Variants in UVSSA observed in about 807,000 individuals in gnomAD.
UVSSA encodes the protein UV-stimulated scaffold protein A.
UVSSA carries 72 observed loss-of-function variants against 73.9 expected under a neutral mutation model. That is an observed-to-expected ratio of 0.97 (90% CI 0.81 to 1.19). The LOEUF (loss-of-function observed/expected upper bound fraction) is 1.19. Ranked by LOEUF, UVSSA falls within the 50% of genes most tolerant of loss-of-function variation. The probability of loss-of-function intolerance (pLI) is 0.00; values close to 1 mark genes in which losing one functional copy is unlikely to be tolerated. For missense variants in UVSSA, 1,150 were observed against 965.0 expected (o/e 1.19, Z -2.54); for synonymous variants, 454 against 391.3 (o/e 1.16, Z -1.89).
chr4:1,343,505 A>G (rs1577258775), upstream of UVSSA, among the ~76,000 whole-genome samples: 3 of 152,358 alleles, frequency 2.0e-5, no homozygotes, highest in South Asian at 6.2e-4. Flanking sequence ...TGAATATGGT[A>G]TATCTTCCTG....
exon 14 of UVSSA, chr4:1,394,296 A>G (rs905038374): frequency 2.0e-5 from 18 of 899,306 alleles, no homozygotes; most frequent in South Asian, 1.5e-4. Flanking sequence ...TGAATTATCA[A>G]TCTTTCTTGG....
At chr4:1,352,973 G>A (rs1194283752) in intron 4 of UVSSA, 57 bp from the exon 5 acceptor site, 1 of 1,551,794 alleles carries the variant, frequency 6.4e-7, no homozygotes, top group African/African-American at 1.4e-5. Context: ...GGTTTTGAGT[G>A]GGCTGGTGCT....
chr4:1,365,317 C>T (rs1717165868), intron 7 of UVSSA, among the ~76,000 whole-genome samples: 1 of 152,224 alleles, frequency 6.6e-6, no homozygotes, highest in Non-Finnish European at 1.5e-5. Flanking sequence ...GTCTTATGGT[C>T]ACAGCTGCAG....
Position 1,386,810 on chromosome 4 carries a change from T to A in UVSSA, c.*849T>A, listed in dbSNP as rs1381220554. 6.6e-6 allele frequency: 1 copy of A among 151,636 alleles called. No individual in the cohort carries two copies. The highest frequency in any genetic ancestry group is 2.4e-5 in the African/African-American group (1 of 41,278). The allele number at this position is 151,636 out of a possible 1,614,324, so 9.4% of individuals were successfully genotyped here. On this transcript the variant is annotated 3_prime_UTR_variant, in exon 14 of 14. Transcript: ENST00000389851. ...ATAGCTCAGTGCAGCCTCAAACTCC[T>A]GGGCTCAAGCCATCCTTCCACGTCA... is the stretch of plus-strand genomic sequence containing the variant.
intron 9 of UVSSA, 23 bp from the exon 10 acceptor site, chr4:1,376,011 G>T: frequency 1.3e-6 from 2 of 1,578,476 alleles, no homozygotes. Flanking sequence ...GCACCGTCAG[G>T]CTGTCCCACT....
intron 7 of UVSSA, among the ~76,000 whole-genome samples, chr4:1,356,372 GC>G (rs869117497): frequency 2.6e-5 from 4 of 152,068 alleles, no homozygotes; most frequent in Admixed American, 1.3e-4. Context: ...GTGGTGTGCA[GC>G]CCCCCCAGGG....
At chr4:1,394,200 C>G (rs1203069520) in exon 14 of UVSSA, 4 of 515,908 alleles carry the variant, frequency 7.8e-6, no homozygotes, top group African/African-American at 1.9e-5. Flanking sequence ...GCACAGCCTT[C>G]CATGCCTCCA....
In UVSSA at chr4:1,387,958, A is replaced by G. The variant is rs977016903; in HGVS notation, c.*1997A>G. The G allele has an allele frequency of 1.3e-5, 2 of 152,084 alleles. No individual in the cohort carries two copies. The highest frequency in any genetic ancestry group is 4.8e-5 in the African/African-American group (2 of 41,418). The allele number at this position is 152,084 out of a possible 1,614,324, so 9.4% of individuals were successfully genotyped here. ...ATCAGTTTCTTCAAAAAAAAAAAAAAAGCAGCTGAGATTTTTGATAGGAAT... is the reference window on the plus strand; with the variant it reads ...ATCAGTTTCTTCAAAAAAAAAAAAAGAGCAGCTGAGATTTTTGATAGGAAT... On this transcript the variant is annotated 3_prime_UTR_variant, in exon 14 of 14. Transcript: ENST00000389851.
In UVSSA at chr4:1,394,936, C is replaced by T. The variant is rs76728908; in HGVS notation, c.*8975C>T. ...GAGTGCCCGCCTGCTCACACGTGCC[C>T]ATGCGGAGTGCCCGCCTGCTCACAC... On this transcript the variant is annotated 3_prime_UTR_variant, in exon 14 of 14. Transcript: ENST00000511216. 3.9e-5 allele frequency: 40 copies of T among 1,037,836 alleles called. 1 individual carries two copies. The African/African-American group carries it at 7.5e-4, about 20-fold the overall frequency. The allele number at this position is 1,037,836 out of a possible 1,614,324, so 64.3% of individuals were successfully genotyped here. A position where few individuals can be genotyped will look rare whatever the true frequency, so the allele number is the denominator to read the frequency against.
In UVSSA at chr4:1,376,721, T is replaced by C. The variant is rs150717566; in HGVS notation, c.1568+553T>C. On this transcript the variant is annotated intron_variant, in intron 10 of 13. Coordinates refer to ENST00000389851, the MANE Select transcript of UVSSA (RefSeq NM_020894.4). ...GTCATCTGTGCGAAAGTCCGGACCG[T>C]TGGGCCTCAAGAGGCCACCTGGGTA... 3.1e-3 allele frequency among the ~76,000 whole-genome samples: 469 copies of C among 152,304 alleles called. 2 individuals carry two copies. Among genetic ancestry groups the C allele is most frequent in the African/African-American group, 0.011 (450 of 41,560 alleles).
intron 7 of UVSSA, among the ~76,000 whole-genome samples, chr4:1,357,308 C>T (rs1305731001): frequency 5.2e-5 from 8 of 152,396 alleles, no homozygotes; most frequent in African/African-American, 1.4e-4. Flanking sequence ...TGGGCCCCTC[C>T]AGCTGGCACA....
At chr4:1,383,708 G>A (rs1004564863) in intron 12 of UVSSA, 58 bp from the exon 13 acceptor site, 2 of 1,602,982 alleles carry the variant, frequency 1.2e-6, no homozygotes, top group African/African-American at 1.3e-5. Context: ...GGGGGCCTCG[G>A]GTAAGAGGCT....
rs1713813881 is a variant in UVSSA at position 1,347,213 on chromosome 4, GAGCGGCCGCGTC to G, written c.-544_-533del. On this transcript the variant is annotated 5_prime_UTR_variant, in exon 1 of 14. Transcript: ENST00000389851. ...CCCGCCGGAAGGGGCGGGGCGAGGC[GAGCGGCCGCGTC>G]AGCGGTAGGTGGGGCTGTGGTTACG... 1 of 152,330 alleles carries G rather than the reference GAGCGGCCGCGTC, an allele frequency of 6.6e-6. No individual in the cohort carries two copies. The highest frequency in any genetic ancestry group is 2.4e-5 in the African/African-American group (1 of 41,470). The allele number at this position is 152,330 out of a possible 1,614,324, so 9.4% of individuals were successfully genotyped here.
At position 1,379,096 on chromosome 4, in the gene UVSSA, C is replaced by T. The variant is rs1270528160; in HGVS notation, c.1569-951C>T. 2.6e-5 allele frequency among the ~76,000 whole-genome samples: 4 copies of T among 151,632 alleles called. No homozygotes were observed. In the East Asian group the frequency reaches 7.9e-4, roughly 30 times the overall value. On this transcript the variant is annotated intron_variant, in intron 10 of 13. Coordinates refer to ENST00000389851, the MANE Select transcript of UVSSA (RefSeq NM_020894.4). ...GTGAGGGCGGGGCTGCTGGGCTCTG[C>T]TCCTCCAGCATCCTCAGGCACAGGG...
At chr4:1,392,595 T>C (rs932555456), downstream of UVSSA, 2 of 152,262 alleles carry the variant, frequency 1.3e-5, no homozygotes, top group African/African-American at 4.8e-5. Context: ...TCTATAGATG[T>C]CATTCCACTG....
intron 8 of UVSSA, 143 bp downstream of exon 8, chr4:1,366,574 C>T (rs992017363): frequency 1.7e-6 from 1 of 597,540 alleles, no homozygotes; most frequent in East Asian, 2.9e-5. Flanking sequence ...GCTGCTTTTC[C>T]TGCTCACGGT....
At position 1,353,220 on chromosome 4, in the gene UVSSA, C is replaced by T. The variant is rs779295093; in HGVS notation, c.741C>T (p.Asp247=). 7.3e-5 allele frequency: 118 copies of T among 1,612,160 alleles called. No homozygotes were observed. The highest frequency in any genetic ancestry group is 1.6e-4 in the Middle Eastern group (1 of 6,084). The change falls in exon 5 of 14, where the codon GAC becomes GAT. Residue 247 remains aspartate, a synonymous_variant. Transcript: ENST00000389851. ...GGTCTGGCACCCCTGACCCCCGGGA[C>T]GGGGAGCAGCCCTGCTGCAGTAGAG... The part of the protein sequence containing the change: ...PCRSGTPDPR[D]GEQPCCSRDL...
intron 8 of UVSSA, chr4:1,375,072 C>T (rs1331018994): frequency 4.8e-6 from 2 of 418,840 alleles, no homozygotes; most frequent in African/African-American, 4.1e-5. Context: ...GCGAATCCAT[C>T]TGCTCAGGCT....
intron 8 of UVSSA, among the ~76,000 whole-genome samples, chr4:1,369,872 T>C (rs1235488420): frequency 2.0e-5 from 3 of 152,260 alleles, no homozygotes; most frequent in African/African-American, 7.2e-5. Flanking sequence ...GATACTGGAC[T>C]CGAGTGAGAC....
Sources: gnomAD v4.1 joint callset for allele counts (sites outside exome capture counted in the v4.1 genomes callset) on GRCh38, gnomAD v4.1.1 for gene constraint, MANE v1.5 for transcripts, NCBI Gene and HGNC (gene_info 2026-07-23, HGNC 2026-07-21) for gene names.